FMN1: variants seen among roughly 807,000 people sequenced by gnomAD.
The protein encoded by FMN1 is formin-1.
FMN1 carries 110 observed loss-of-function variants against 132.4 expected under a neutral mutation model. The ratio of observed to expected loss-of-function variants is 0.83; its 90% CI spans 0.71 to 0.97. The LOEUF (loss-of-function observed/expected upper bound fraction) is 0.97, where lower values mean the gene tolerates loss of function less well. Ranked by LOEUF, FMN1 falls within the 50% of genes least tolerant of loss-of-function variation. The probability of loss-of-function intolerance (pLI) is 0.00; values close to 1 mark genes in which losing one functional copy is unlikely to be tolerated. For synonymous variants in FMN1, 722 were observed against 651.7 expected (o/e 1.11, Z -1.64); for missense variants, 1,792 against 1,705.3 (o/e 1.05, Z -0.90).
rs574350326 is a variant in FMN1 at position 32,863,368 on chromosome 15, A to G, written c.3836-6261T>C. The stretch of plus-strand genomic sequence containing the variant: ...AGAATGGCGTGAACCCGGGAGGCGG[A>G]GCTTGCAGTGAGCCGAGATTGTGCC... On this transcript the variant is annotated intron_variant, in intron 16 of 20. Coordinates refer to ENST00000616417, the MANE Select transcript of FMN1 (RefSeq NM_001277313.2). Among the ~76,000 whole-genome samples the G allele has an allele frequency of 7.9e-4, 121 of 152,308 alleles. No homozygotes were observed. The South Asian group carries it at 0.024, about 30-fold the overall frequency.
intron 5 of FMN1, among the ~76,000 whole-genome samples, chr15:33,078,936 G>A (rs972207639): frequency 6.6e-6 from 1 of 152,174 alleles, no homozygotes; most frequent in African/African-American, 2.4e-5. Context: ...AGAACCTTAA[G>A]CTTTTGAGAC....
chr15:33,092,079 G>C (rs994762746), intron 4 of FMN1, among the ~76,000 whole-genome samples: 13 of 152,234 alleles, frequency 8.5e-5, no homozygotes, highest in Non-Finnish European at 1.3e-4. Context: ...CTGTACAGCT[G>C]ACCACGGTTA....
chr15:32,981,466 C>T (rs920233940), intron 7 of FMN1, among the ~76,000 whole-genome samples: 5 of 148,578 alleles, frequency 3.4e-5, no homozygotes, highest in East Asian at 2.0e-4. Flanking sequence ...TGCAGTGAGC[C>T]GAGATCGCGC....
At chr15:32,795,127 G>C (rs971854935) in intron 19 of FMN1, among the ~76,000 whole-genome samples, 1 of 152,220 alleles carries the variant, frequency 6.6e-6, no homozygotes, top group Non-Finnish European at 1.5e-5. Flanking sequence ...TTGAGCCCAG[G>C]AGGTCAAGGC....
intron 17 of FMN1, among the ~76,000 whole-genome samples, chr15:32,804,873 G>A (rs2057622358): frequency 6.6e-6 from 1 of 152,108 alleles, no homozygotes; most frequent in Non-Finnish European, 1.5e-5. Flanking sequence ...GTATTCCATG[G>A]TGTATATGTG....
intron 6 of FMN1, among the ~76,000 whole-genome samples, chr15:33,019,378 A>T (rs1376786038): frequency 6.6e-6 from 1 of 152,174 alleles, no homozygotes; most frequent in Non-Finnish European, 1.5e-5. Context: ...GCCAGACATA[A>T]AGATTCTCCA....
At chr15:33,143,971 C>G (rs550140490) in intron 4 of FMN1, among the ~76,000 whole-genome samples, 2 of 152,178 alleles carry the variant, frequency 1.3e-5, no homozygotes, top group African/African-American at 4.8e-5. Flanking sequence ...AACCTATCGC[C>G]TTGATAGAAA....
At chr15:33,150,002 A>T (rs1442304751) in intron 4 of FMN1, 1 of 985,204 alleles carries the variant, frequency 1.0e-6, no homozygotes, top group Non-Finnish European at 1.2e-6. Context: ...ATTGATCAAG[A>T]GATTCTCAGT....
intron 4 of FMN1, among the ~76,000 whole-genome samples, chr15:33,129,357 A>C (rs1450508611): frequency 6.6e-6 from 1 of 152,216 alleles, no homozygotes; most frequent in Non-Finnish European, 1.5e-5. Flanking sequence ...GCTGAAATAA[A>C]TCTGAGGCTG....
At chr15:32,999,015 A>T (rs1487931793) in intron 7 of FMN1, among the ~76,000 whole-genome samples, 3 of 152,204 alleles carry the variant, frequency 2.0e-5, no homozygotes, top group Non-Finnish European at 4.4e-5. Flanking sequence ...TAAACCAGTA[A>T]ATCTAGTAAC....
Position 32,941,865 on chromosome 15 carries a change from C to G in FMN1, c.3139-15604G>C, listed in dbSNP as rs1220487540. 3.9e-5 allele frequency among the ~76,000 whole-genome samples: 6 copies of G among 152,034 alleles called. 1 individual carries two copies. Among genetic ancestry groups the G allele is most frequent in the Non-Finnish European group, 8.8e-5 (6 of 68,000 alleles). On this transcript the variant is annotated intron_variant, in intron 9 of 20. Transcript: ENST00000616417. ...TGTTTTATATCAGATTGTTAAAAAT[C>G]AGTTTTTGAGGGACGTTAGCAAGCC...
intron 4 of FMN1, among the ~76,000 whole-genome samples, chr15:33,146,120 A>G (rs1964210766): frequency 6.6e-6 from 1 of 151,892 alleles, no homozygotes; most frequent in South Asian, 2.1e-4. Flanking sequence ...GGACTATACC[A>G]TGAATTACTA....
intron 7 of FMN1, among the ~76,000 whole-genome samples, chr15:32,989,782 A>C (rs968365220): frequency 6.6e-6 from 1 of 152,098 alleles, no homozygotes; most frequent in Admixed American, 6.6e-5. Context: ...TATATATGAA[A>C]CCACAGAGCC....
At position 32,901,932 on chromosome 15, in the gene FMN1, C is replaced by CTA; in HGVS notation, c.3485_3486insTA (p.Glu1162AspfsTer14). 1 of 1,611,882 alleles carries CTA rather than the reference C, an allele frequency of 6.2e-7. No individual in the cohort carries two copies. Among genetic ancestry groups the CTA allele is most frequent in the African/African-American group, 1.3e-5 (1 of 74,934 alleles). ...ATACCTTAGAAGCTCGCGTGATGAT[C>CTA]TCTACCTTTCTGTGCAAGGAGGTGA... On this transcript the variant is annotated frameshift_variant, in exon 13 of 21. Transcript: ENST00000616417. LOFTEE classifies it high-confidence loss of function.
chr15:33,192,746 A>G (rs1162903000), intron 2 of FMN1, among the ~76,000 whole-genome samples: 2 of 152,248 alleles, frequency 1.3e-5, no homozygotes, highest in Non-Finnish European at 2.9e-5. Flanking sequence ...CATAATTTTT[A>G]GGAACGAGAC....
At chr15:32,959,810 A>C (rs1009805059) in intron 9 of FMN1, among the ~76,000 whole-genome samples, 1 of 152,274 alleles carries the variant, frequency 6.6e-6, no homozygotes, top group Admixed American at 6.5e-5. Context: ...AGAAGTGAAT[A>C]GTTCTATGAG....
At chr15:32,994,349 A>AT (rs2033641051) in intron 7 of FMN1, among the ~76,000 whole-genome samples, 1 of 151,942 alleles carries the variant, frequency 6.6e-6, no homozygotes, top group South Asian at 2.1e-4. Context: ...CCAGAGCTAC[A>AT]TTTCCCACCT....
chr15:33,126,987 G>A lies in FMN1; in HGVS notation c.1867+26061C>T, dbSNP rs573841835. Among the ~76,000 whole-genome samples, 21 of 152,326 alleles carry A rather than the reference G, an allele frequency of 1.4e-4. 1 individual carries two copies. In the South Asian group the frequency reaches 3.7e-3, roughly 27 times the overall value. On this transcript the variant is annotated intron_variant, in intron 4 of 20. Coordinates refer to ENST00000616417, the MANE Select transcript of FMN1 (RefSeq NM_001277313.2). Reference sequence around the variant, plus strand: ...GCTGACTCTGTGGAGAGGCTTGCAAGATGCTGTCATGACTACATGTGGGAG... The same window carrying A: ...GCTGACTCTGTGGAGAGGCTTGCAAAATGCTGTCATGACTACATGTGGGAG...
chr15:33,001,738 G>A (rs1168061516), intron 7 of FMN1, among the ~76,000 whole-genome samples: 1 of 79,050 alleles, frequency 1.3e-5, no homozygotes, highest in African/African-American at 5.1e-5. Flanking sequence ...CTTCTTTTTT[G>A]ATACAAAGTC....
Sources: allele counts gnomAD v4.1 joint callset (sites outside exome capture counted in the v4.1 genomes callset), GRCh38; gene constraint gnomAD v4.1.1; transcripts MANE v1.5; gene names NCBI Gene and HGNC (gene_info 2026-07-23, HGNC 2026-07-21).